The following C2CD5 variants were observed in gnomAD, a reference collection of about 807,000 sequenced individuals.
C2CD5 encodes C2 domain-containing protein 5.
In C2CD5, 109 loss-of-function variants were observed where a neutral mutation model predicts 130.3. The observed-to-expected ratio is 0.84, with a 90% CI of 0.72 to 0.98. The LOEUF is 0.98. C2CD5 is among the 50% of genes least tolerant of loss of function. C2CD5 has a pLI of 0.00. For missense variants in C2CD5, 996 were observed against 1,261.8 expected, an observed-to-expected ratio of 0.79 and a Z score of 3.19; for synonymous variants, 454 against 429.2, an observed-to-expected ratio of 1.06 and a Z score of -0.71.
At chr12:22,455,173 A>G (rs1939569631) in intron 25 of C2CD5, among the ~76,000 whole-genome samples, 1 of 152,176 alleles carries the variant, frequency 6.6e-6, no homozygotes. Context: ...TTTTGTAGTT[A>G]GGGAATTAAG....
intron 8 of C2CD5, among the ~76,000 whole-genome samples, chr12:22,514,009 C>T (rs547129498): frequency 3.2e-4 from 48 of 152,264 alleles, no homozygotes; most frequent in Admixed American, 3.9e-4. Flanking sequence ...GTAATAGACA[C>T]ATCACAAATG....
At chr12:22,480,631 C>T (rs759422230) in intron 14 of C2CD5, among the ~76,000 whole-genome samples, 1 of 152,086 alleles carries the variant, frequency 6.6e-6, no homozygotes. Flanking sequence ...TTTTTAAACC[C>T]CTCAATTTGA....
intron 13 of C2CD5, 66 bp from the exon 14 acceptor site, chr12:22,482,809 A>C: frequency 8.7e-7 from 1 of 1,154,344 alleles, no homozygotes; most frequent in Admixed American, 2.0e-5. Context: ...CCAAATTTTA[A>C]AACTTGCTAA....
intron 8 of C2CD5, among the ~76,000 whole-genome samples, chr12:22,515,832 C>T (rs1295618873): frequency 6.6e-6 from 1 of 151,778 alleles, no homozygotes; most frequent in Non-Finnish European, 1.5e-5. Context: ...AAAAACTATA[C>T]ATAGTTAAAA....
intron 4 of C2CD5, among the ~76,000 whole-genome samples, chr12:22,527,308 T>C (rs984227301): frequency 6.8e-6 from 1 of 146,846 alleles, no homozygotes; most frequent in South Asian, 2.1e-4. Flanking sequence ...TCTTAAGATA[T>C]ATTATATACA....
chr12:22,453,218 G>A (rs1025700728), intron 26 of C2CD5, among the ~76,000 whole-genome samples: 1 of 152,036 alleles, frequency 6.6e-6, no homozygotes, highest in Non-Finnish European at 1.5e-5. Context: ...GGTCAGAAAC[G>A]CAGGGCCAAT....
intron 17 of C2CD5, 41 bp downstream of exon 17, chr12:22,472,703 T>C: frequency 9.3e-7 from 1 of 1,076,414 alleles, no homozygotes; most frequent in South Asian, 1.3e-5. Flanking sequence ...AACATTTATA[T>C]GTAAAACTAG....
At chr12:22,480,068 T>C (rs1172381757) in intron 14 of C2CD5, among the ~76,000 whole-genome samples, 2 of 152,202 alleles carry the variant, frequency 1.3e-5, no homozygotes, top group African/African-American at 4.8e-5. Flanking sequence ...TTAGTGTCCA[T>C]CACTGTATAC....
At chr12:22,530,265 T>C (rs1485944488) in intron 3 of C2CD5, among the ~76,000 whole-genome samples, 1 of 149,054 alleles carries the variant, frequency 6.7e-6, no homozygotes, top group Non-Finnish European at 1.5e-5. Context: ...ACTGTGTATA[T>C]ATATATACAC....
chr12:22,486,293 T>C (rs1945505368), intron 12 of C2CD5, among the ~76,000 whole-genome samples: 1 of 152,084 alleles, frequency 6.6e-6, no homozygotes, highest in African/African-American at 2.4e-5. Flanking sequence ...GCTACTACAC[T>C]GCTCTCGTAT....
intron 26 of C2CD5, among the ~76,000 whole-genome samples, chr12:22,453,174 T>C (rs1939067769): frequency 1.3e-5 from 2 of 152,138 alleles, no homozygotes; most frequent in African/African-American, 2.4e-5. Context: ...TCTGCCAAGA[T>C]ATTGATCCCC....
intron 9 of C2CD5, among the ~76,000 whole-genome samples, chr12:22,511,220 A>G (rs1228050078): frequency 6.6e-6 from 1 of 152,024 alleles, no homozygotes; most frequent in Non-Finnish European, 1.5e-5. Flanking sequence ...GTGGTTTACC[A>G]AAGGGATAGA....
chr12:22,536,863 T>C (rs1951865548), intron 2 of C2CD5, among the ~76,000 whole-genome samples: 1 of 152,110 alleles, frequency 6.6e-6, no homozygotes, highest in African/African-American at 2.4e-5. Context: ...TTAATCACAA[T>C]GATAAAGAAA....
chr12:22,484,959 C>T (rs1176982898), intron 12 of C2CD5, 71 bp from the exon 13 acceptor site: 3 of 685,754 alleles, frequency 4.4e-6, no homozygotes, highest in Non-Finnish European at 4.5e-6. Flanking sequence ...AATTATGTAA[C>T]TGATATTACA....
intron 12 of C2CD5, among the ~76,000 whole-genome samples, chr12:22,486,186 G>GAAA (rs35716305): frequency 9.0e-6 from 1 of 111,384 alleles, no homozygotes; most frequent in Non-Finnish European, 2.0e-5. Flanking sequence ...GGCTTGAATG[G>GAAA]AAAAAAAAAA....
At chr12:22,537,944 A>G (rs2137282417) in intron 2 of C2CD5, among the ~76,000 whole-genome samples, 1 of 151,124 alleles carries the variant, frequency 6.6e-6, no homozygotes, top group Admixed American at 6.6e-5. Context: ...CTGCAAGACT[A>G]CTCGTCTTGA....
At chr12:22,495,916 T>C (rs1274068553) in intron 10 of C2CD5, among the ~76,000 whole-genome samples, 3 of 152,042 alleles carry the variant, frequency 2.0e-5, no homozygotes, top group Admixed American at 6.6e-5. Flanking sequence ...CTGAAAACTA[T>C]GGCAGCTCAC....
intron 20 of C2CD5, 133 bp from the exon 21 acceptor site, chr12:22,471,044 T>C (rs997712652): frequency 4.8e-6 from 3 of 625,596 alleles, no homozygotes; most frequent in East Asian, 5.5e-5. Context: ...ACCAGAATTA[T>C]GTATAAATTC....
At chr12:22,469,194 CTTAT>C (rs1307490549) in intron 22 of C2CD5, among the ~76,000 whole-genome samples, 1 of 152,156 alleles carries the variant, frequency 6.6e-6, no homozygotes, top group Admixed American at 6.5e-5. Flanking sequence ...ATGGCAGTGT[CTTAT>C]ATAAGTACAT....
Sources: allele counts gnomAD v4.1 joint callset (sites outside exome capture counted in the v4.1 genomes callset), GRCh38; gene constraint gnomAD v4.1.1; transcripts MANE v1.5; gene names NCBI Gene and HGNC (gene_info 2026-07-23, HGNC 2026-07-21).